The following DNMBP variants were observed in gnomAD, a reference collection of about 807,000 sequenced individuals.
DNMBP encodes dynamin-binding protein.
DNMBP carries 87 observed loss-of-function variants against 150.0 expected under a neutral mutation model. The observed-to-expected ratio is 0.58, with a 90% CI of 0.49 to 0.69. The LOEUF is 0.69. Among genes scored for constraint, DNMBP ranks in the 30% least tolerant of loss-of-function variants. The pLI is 0.00. For synonymous variants in DNMBP, 711 were observed against 750.4 expected, an observed-to-expected ratio of 0.95 and a Z score of 0.86; for missense variants, 1,774 against 1,949.0, an observed-to-expected ratio of 0.91 and a Z score of 1.69.
intron 4 of DNMBP, chr10:99,930,561 T>A (rs1183241700): frequency 2.8e-6 from 2 of 702,950 alleles, no homozygotes; most frequent in Admixed American, 4.0e-5. Flanking sequence ...AAAATCCCAG[T>A]ATCCACAATC....
intron 4 of DNMBP, among the ~76,000 whole-genome samples, chr10:99,943,704 G>A (rs908814456): frequency 6.6e-6 from 1 of 152,202 alleles, no homozygotes; most frequent in African/African-American, 2.4e-5. Context: ...ATGCCCGGCT[G>A]AGAAATAATT....
At chr10:99,904,457 C>T (rs534356691) in intron 6 of DNMBP, among the ~76,000 whole-genome samples, 3 of 152,230 alleles carry the variant, frequency 2.0e-5, no homozygotes, top group East Asian at 1.9e-4. Context: ...GCCCTTTGCC[C>T]GTGGCTCCAT....
At chr10:99,998,102 GC>G (rs1324635453) in intron 1 of DNMBP, among the ~76,000 whole-genome samples, 1 of 151,380 alleles carries the variant, frequency 6.6e-6, no homozygotes, top group Non-Finnish European at 1.5e-5. Context: ...AGGCGTGGTG[GC>G]GCACACCTGT....
At chr10:99,915,820 C>T (rs564371105) in intron 4 of DNMBP, among the ~76,000 whole-genome samples, 1 of 152,312 alleles carries the variant, frequency 6.6e-6, no homozygotes, top group South Asian at 2.1e-4. Flanking sequence ...TTATTGTCCC[C>T]ATTTTACTGA....
intron 2 of DNMBP, among the ~76,000 whole-genome samples, chr10:99,971,326 CCTTT>C (rs904669687): frequency 2.0e-5 from 3 of 151,794 alleles, no homozygotes; most frequent in East Asian, 1.9e-4. Flanking sequence ...TTCCTTCCTT[CCTTT>C]CTTTCTTTTC....
In DNMBP at chr10:99,968,704, AAG is replaced by A. The variant is rs1230236208; in HGVS notation, c.268+409_268+410del. 2.4e-3 allele frequency among the ~76,000 whole-genome samples: 354 copies of A among 149,482 alleles called. 13 individuals carry two copies. Among genetic ancestry groups the A allele is most frequent in the African/African-American group, 3.6e-3 (144 of 40,088 alleles). Reference sequence around the variant, plus strand: ...CTACTGTCTCAAAAAAAAAAAAAAAAAGAGAGAGAGAGCATGAGCCTGAAGTG... The same window carrying A: ...CTACTGTCTCAAAAAAAAAAAAAAAAAGAGAGAGAGCATGAGCCTGAAGTG... On this transcript the variant is annotated intron_variant, in intron 3 of 16. Transcript: ENST00000324109.
At chr10:99,995,656 G>A (rs1415579453) in intron 1 of DNMBP, among the ~76,000 whole-genome samples, 6 of 152,234 alleles carry the variant, frequency 3.9e-5, no homozygotes, top group Non-Finnish European at 8.8e-5. Context: ...GGCCAGAGTG[G>A]TTGCAGATAT....
At chr10:100,009,515 G>C (rs990803983) in intron 1 of DNMBP, among the ~76,000 whole-genome samples, 1 of 152,250 alleles carries the variant, frequency 6.6e-6, no homozygotes. Flanking sequence ...CTCATTGCCG[G>C]AGTGGCAGGG....
intron 4 of DNMBP, among the ~76,000 whole-genome samples, chr10:99,929,262 C>T (rs556072347): frequency 6.7e-6 from 1 of 149,790 alleles, no homozygotes; most frequent in African/African-American, 2.4e-5. Context: ...AGCTTGATGC[C>T]CTGATAATAA....
rs1212918789 is a variant in DNMBP at position 99,879,840 on chromosome 10, G to T, written c.4519C>A (p.Pro1507Thr). Residue 1507 changes from proline to threonine, a missense_variant, in exon 16 of 17, where the codon CCA becomes ACA. Pro to Thr is a conservative substitution (Grantham distance 38). This residue lies in a region of DNMBP where 1,430 missense variants were observed against 1,492.5 expected (regional missense o/e 0.96). Transcript: ENST00000324109. ...AQAPEDRSTE[P>T]DGSEAEGNQV... ...TTGCCTTCTGCCTCACTGCCATCTG[G>T]CTCTGTACTTCTGTCTTCCGGAGCC... 6.2e-7 allele frequency: 1 copy of T among 1,614,082 alleles called. No homozygotes were observed. Among genetic ancestry groups the T allele is most frequent in the East Asian group, 2.2e-5 (1 of 44,906 alleles).
chr10:99,980,803 T>TA (rs1478357233), intron 1 of DNMBP, among the ~76,000 whole-genome samples: 4 of 151,138 alleles, frequency 2.6e-5, no homozygotes, highest in East Asian at 3.9e-4. Context: ...GACCCTGTCT[T>TA]AAAAAAAAAG....
chr10:99,930,659 G>T (rs1446202311), intron 4 of DNMBP: 5 of 702,946 alleles, frequency 7.1e-6, no homozygotes, highest in South Asian at 1.5e-5. Context: ...GCACTGTAAG[G>T]TTCCTTTTCC....
At position 99,900,053 on chromosome 10, in the gene DNMBP, A is replaced by G; in HGVS notation, c.2568T>C (p.Leu856=). ...EISDAVGPVF[L]GHRDELEGTY... is the part of the protein sequence containing the mutation. ...TTCCCTCAAGCTCATCCCGGTGACC[A>G]AGAAACACAGGTCCTTTGGAATACA... The change falls in exon 7 of 17, where the codon CTT becomes CTC. Residue 856 remains leucine (L), a synonymous_variant. Coordinates refer to ENST00000324109, the MANE Select transcript of DNMBP (RefSeq NM_015221.4). The G allele has an allele frequency of 6.2e-7, 1 of 1,614,146 alleles. No homozygotes were observed. The highest frequency in any genetic ancestry group is 8.5e-7 in the Non-Finnish European group (1 of 1,180,026).
intron 1 of DNMBP, among the ~76,000 whole-genome samples, chr10:99,988,159 A>T (rs1485272793): frequency 5.3e-5 from 8 of 152,078 alleles, no homozygotes; most frequent in African/African-American, 9.7e-5. Flanking sequence ...TTCCCCCTTT[A>T]TTCTGATGTC....
intron 4 of DNMBP, among the ~76,000 whole-genome samples, chr10:99,944,721 TC>T (rs35957506): frequency 0.38 from 57,522 of 151,914 alleles, 11,160 homozygotes; most frequent in African/African-American, 0.45. Context: ...GATGTTTCAT[TC>T]CCCAACACAC....
At chr10:99,975,734 G>T (rs2040721217) in intron 1 of DNMBP, among the ~76,000 whole-genome samples, 1 of 152,170 alleles carries the variant, frequency 6.6e-6, no homozygotes, top group African/African-American at 2.4e-5. Flanking sequence ...AGAGACCCAG[G>T]TCCACAGGCC....
At chr10:99,990,241 C>G (rs1433691320) in intron 1 of DNMBP, among the ~76,000 whole-genome samples, 2 of 151,932 alleles carry the variant, frequency 1.3e-5, no homozygotes, top group African/African-American at 4.8e-5. Context: ...TTTTAGTAGG[C>G]AGATACAATG....
At chr10:99,903,133 G>T (rs2039771378) in intron 6 of DNMBP, among the ~76,000 whole-genome samples, 1 of 146,210 alleles carries the variant, frequency 6.8e-6, no homozygotes, top group East Asian at 2.0e-4. Context: ...TAGAAACGAG[G>T]TCTCACTATG....
chr10:99,919,661 C>T (rs967136682), intron 4 of DNMBP, among the ~76,000 whole-genome samples: 2 of 152,174 alleles, frequency 1.3e-5, no homozygotes, highest in Admixed American at 1.3e-4. Flanking sequence ...GATGTGGTGG[C>T]GTGCGCCACC....
Sources: allele counts gnomAD v4.1 joint callset (sites outside exome capture counted in the v4.1 genomes callset), GRCh38; gene constraint gnomAD v4.1.1; regional missense constraint gnomAD v4.1.1; transcripts MANE v1.5; gene names NCBI Gene and HGNC (gene_info 2026-07-23, HGNC 2026-07-21).